The following RBFOX1 variants were observed in gnomAD, a reference collection of about 807,000 sequenced individuals.
RBFOX1 encodes the protein RNA binding protein fox-1 homolog 1.
Under a neutral mutation model 57.7 loss-of-function variants are expected in RBFOX1, and 8 were observed. The ratio of observed to expected loss-of-function variants is 0.14; its 90% CI spans 0.08 to 0.25. The LOEUF (loss-of-function observed/expected upper bound fraction) is 0.25. Ranked by LOEUF, RBFOX1 falls within the 10% of genes least tolerant of loss-of-function variation. The pLI is 1.00. For synonymous variants in RBFOX1, 326 were observed against 222.4 expected, an observed-to-expected ratio of 1.47 and a Z score of -4.15; for missense variants, 611 against 548.5, an observed-to-expected ratio of 1.11 and a Z score of -1.14.
chr16:6,786,177 T>A (rs2081928876), intron 3 of RBFOX1, among the ~76,000 whole-genome samples: 1 of 152,170 alleles, frequency 6.6e-6, no homozygotes, highest in Non-Finnish European at 1.5e-5. Flanking sequence ...AAGATTCCCA[T>A]GACCCTGTTG....
intron 1 of RBFOX1, among the ~76,000 whole-genome samples, chr16:6,216,333 A>T (rs2097335701): frequency 6.6e-6 from 1 of 152,154 alleles, no homozygotes; most frequent in Non-Finnish European, 1.5e-5. Context: ...GACAGAGGTG[A>T]TTTCTTTTAT....
chr16:7,275,114 A>G (rs909325125), intron 4 of RBFOX1, among the ~76,000 whole-genome samples: 1 of 152,090 alleles, frequency 6.6e-6, no homozygotes, highest in African/African-American at 2.4e-5. Context: ...TCTGTCTCTG[A>G]GCTTTTGCTT....
chr16:7,644,824 G>T (rs971780933), intron 11 of RBFOX1, among the ~76,000 whole-genome samples: 1 of 152,170 alleles, frequency 6.6e-6, no homozygotes, highest in African/African-American at 2.4e-5. Context: ...ACAGTTGTGG[G>T]TGTCAGGAGA....
intron 4 of RBFOX1, among the ~76,000 whole-genome samples, chr16:7,294,017 G>T (rs964464849): frequency 6.6e-6 from 1 of 152,152 alleles, no homozygotes; most frequent in Non-Finnish European, 1.5e-5. Context: ...AAATTTCTGA[G>T]CATTTCTGGG....
chr16:6,837,227 G>A (rs1390279931), intron 3 of RBFOX1, among the ~76,000 whole-genome samples: 7 of 152,296 alleles, frequency 4.6e-5, no homozygotes, highest in Non-Finnish European at 7.4e-5. Context: ...GTGGATCTCC[G>A]TGTTTTAACA....
At chr16:7,561,850 G>A (rs2090444702) in intron 5 of RBFOX1, among the ~76,000 whole-genome samples, 1 of 152,138 alleles carries the variant, frequency 6.6e-6, no homozygotes, top group Admixed American at 6.5e-5. Flanking sequence ...ATTGCCATTT[G>A]GTTCATTTAA....
intron 1 of RBFOX1, among the ~76,000 whole-genome samples, chr16:6,153,844 C>G (rs1043676366): frequency 1.3e-5 from 2 of 152,144 alleles, no homozygotes; most frequent in African/African-American, 2.4e-5. Context: ...CCCATTATAT[C>G]ATCTTAGGCT....
intron 3 of RBFOX1, among the ~76,000 whole-genome samples, chr16:5,655,004 C>A (rs936909468): frequency 6.6e-6 from 1 of 152,202 alleles, no homozygotes; most frequent in African/African-American, 2.4e-5. Flanking sequence ...GCCTTGCACA[C>A]TGGGTCCAGC....
intron 1 of RBFOX1, among the ~76,000 whole-genome samples, chr16:5,426,227 C>A (rs1459519785): frequency 2.6e-5 from 4 of 152,142 alleles, no homozygotes; most frequent in Non-Finnish European, 5.9e-5. Flanking sequence ...AGTGGTCCCA[C>A]TCAAAGTAGG....
At chr16:6,862,115 G>A (rs2059128942) in intron 3 of RBFOX1, among the ~76,000 whole-genome samples, 1 of 152,130 alleles carries the variant, frequency 6.6e-6, no homozygotes. Context: ...ACTTGGAAAG[G>A]ATGCTTCAGC....
intron 14 of RBFOX1, among the ~76,000 whole-genome samples, chr16:7,700,997 AAAG>A (rs1288847561): frequency 6.6e-6 from 1 of 152,172 alleles, no homozygotes; most frequent in African/African-American, 2.4e-5. Flanking sequence ...TGGGCAAAAA[AAAG>A]CAAGTTCTGT....
intron 1 of RBFOX1, among the ~76,000 whole-genome samples, chr16:6,043,697 C>A (rs902615098): frequency 6.6e-6 from 1 of 152,176 alleles, no homozygotes; most frequent in Non-Finnish European, 1.5e-5. Context: ...AGGTCTCCTG[C>A]CTTTCCTGCT....
chr16:6,123,105 AG>A (rs777138487), intron 1 of RBFOX1, among the ~76,000 whole-genome samples: 56 of 152,220 alleles, frequency 3.7e-4, no homozygotes, highest in Non-Finnish European at 6.9e-4. Context: ...ATCCCTCAAA[AG>A]GCTACACCTA....
intron 1 of RBFOX1, among the ~76,000 whole-genome samples, chr16:6,075,441 T>G (rs1305090220): frequency 1.3e-5 from 2 of 152,250 alleles, no homozygotes; most frequent in Admixed American, 1.3e-4. Flanking sequence ...CCATGTCTTA[T>G]GAATCTTACA....
intron 4 of RBFOX1, among the ~76,000 whole-genome samples, chr16:5,910,366 A>C (rs997204077): frequency 6.6e-6 from 1 of 152,110 alleles, no homozygotes; most frequent in Non-Finnish European, 1.5e-5. Context: ...GAGGTACCAG[A>C]GCCTTCTTGA....
chr16:6,160,816 C>G (rs770553925), intron 1 of RBFOX1, among the ~76,000 whole-genome samples: 4 of 152,202 alleles, frequency 2.6e-5, no homozygotes, highest in African/African-American at 7.2e-5. Flanking sequence ...TCTTGATCCT[C>G]TCAAGATCAG....
In RBFOX1 at chr16:7,518,150, A is replaced by T. The variant is rs762461044; in HGVS notation, c.31A>T (p.Asn11Tyr). ...CTGCACCTTTTTGATTTTTCAGGGT[A>T]ATCAGGAAGCAGCCGCTGCCCCTGA... The part of the protein sequence containing the change: MNCEREQLRG[N>Y]QEAAAAPDTM... The change falls in exon 5 of 16, where the codon AAT becomes TAT. Residue 11 changes from asparagine to tyrosine, a missense_variant. Physicochemically the swap from Asn to Tyr is moderately radical, Grantham distance 143 (BLOSUM62 -2). Coordinates refer to ENST00000550418, the MANE Select transcript of RBFOX1 (RefSeq NM_018723.4). 4.3e-6 allele frequency: 7 copies of T among 1,609,598 alleles called. No homozygotes were observed. The highest frequency in any genetic ancestry group is 5.9e-6 in the Non-Finnish European group (7 of 1,177,768).
At chr16:5,681,268 T>C (rs1305306944) in intron 3 of RBFOX1, among the ~76,000 whole-genome samples, 1 of 148,756 alleles carries the variant, frequency 6.7e-6, no homozygotes, top group South Asian at 2.1e-4. Context: ...GTATTTTTGG[T>C]AGAGACGGGG....
chr16:6,144,032 C>G (rs1310833655), intron 1 of RBFOX1, among the ~76,000 whole-genome samples: 3 of 151,422 alleles, frequency 2.0e-5, no homozygotes, highest in African/African-American at 7.3e-5. Context: ...CTCCTGGCCT[C>G]CAGTGATCCT....
Sources: gnomAD v4.1 joint callset for allele counts (sites outside exome capture counted in the v4.1 genomes callset) on GRCh38, gnomAD v4.1.1 for gene constraint, MANE v1.5 for transcripts, NCBI Gene and HGNC (gene_info 2026-07-23, HGNC 2026-07-21) for gene names.